GHR: variants seen among roughly 807,000 people sequenced by gnomAD.
GHR encodes the protein growth hormone receptor.
In GHR, 35 loss-of-function variants were observed where a neutral mutation model predicts 67.1. That is an observed-to-expected ratio of 0.52 (90% confidence interval 0.40 to 0.69). The LOEUF (loss-of-function observed/expected upper bound fraction) is 0.69, where lower values mean the gene tolerates loss of function less well. GHR is among the 30% of genes least tolerant of loss of function. GHR has a pLI of 0.00. For synonymous variants in GHR, 272 were observed against 269.1 expected (o/e 1.01, Z -0.10); for missense variants, 792 against 764.6 (o/e 1.04, Z -0.42).
chr5:42,594,196 T>C (rs972430020), intron 2 of GHR, among the ~76,000 whole-genome samples: 1 of 152,214 alleles, frequency 6.6e-6, no homozygotes, highest in Admixed American at 6.5e-5. Flanking sequence ...TTCCCAAACT[T>C]TTCAAATGTG....
chr5:42,559,415 A>G (rs1169687178), intron 1 of GHR, among the ~76,000 whole-genome samples: 1 of 152,176 alleles, frequency 6.6e-6, no homozygotes, highest in Non-Finnish European at 1.5e-5. Context: ...GTGTGTTGGC[A>G]CATGCCTATG....
rs919242248 is a variant in GHR, at chr5:42,514,078, A to G, written c.-11-51786A>G. The stretch of plus-strand genomic sequence containing the variant: ...TCACCCAGAATTTATTTTTTCTTCT[A>G]GTTAAAATGAGCAACTTCTTTAACC... On this transcript the variant is annotated intron_variant, in intron 1 of 9. Transcript: ENST00000230882. 3 of 977,224 alleles carry G rather than the reference A, an allele frequency of 3.1e-6. No individual in the cohort carries two copies. In the African/African-American group the frequency reaches 5.3e-5, roughly 17 times the overall value. The allele number at this position is 977,224 out of a possible 1,614,324, so 60.5% of individuals were successfully genotyped here.
chr5:42,504,757 C>CAAAATAAAAT (rs924287403), intron 1 of GHR, among the ~76,000 whole-genome samples: 7 of 152,036 alleles, frequency 4.6e-5, no homozygotes, highest in African/African-American at 1.7e-4. Flanking sequence ...GATTCCGTCT[C>CAAAATAAAAT]AAAATAAAAT....
intron 3 of GHR, among the ~76,000 whole-genome samples, chr5:42,651,816 C>G (rs951754842): frequency 2.0e-5 from 3 of 151,916 alleles, no homozygotes; most frequent in African/African-American, 7.3e-5. Context: ...GTATATTCAC[C>G]TCACTCTCGA....
chr5:42,619,824 A>G (rs1473549434), intron 2 of GHR: 2 of 152,138 alleles, frequency 1.3e-5, no homozygotes, highest in African/African-American at 4.8e-5. Flanking sequence ...CTGCCAAAGT[A>G]TATGCTTTCT....
At chr5:42,684,857 G>C (rs894781165) in intron 3 of GHR, among the ~76,000 whole-genome samples, 2 of 152,150 alleles carry the variant, frequency 1.3e-5, no homozygotes, top group African/African-American at 4.8e-5. Flanking sequence ...ATTTTCTGAA[G>C]ATTCACTTGT....
At chr5:42,709,225 C>T (rs1273184974) in intron 6 of GHR, among the ~76,000 whole-genome samples, 1 of 152,192 alleles carries the variant, frequency 6.6e-6, no homozygotes, top group African/African-American at 2.4e-5. Flanking sequence ...CCTCCACCTC[C>T]AGAGTTCAAG....
chr5:42,424,378 T>TC lies in GHR; in HGVS notation c.-12+424dup. 1 of 596,444 alleles carries TC rather than the reference T, an allele frequency of 1.7e-6. No homozygotes were observed. Among genetic ancestry groups the TC allele is most frequent in the Non-Finnish European group, 3.0e-6 (1 of 334,230 alleles). The allele number at this position is 596,444 out of a possible 1,614,324, so 36.9% of individuals were successfully genotyped here. ...TTTGCTAGTGTGTTTCTGTTTGCCATCATCTGCCTGGCTGCGGCAGGAACT... is the reference window on the plus strand; with the variant it reads ...TTTGCTAGTGTGTTTCTGTTTGCCATCCATCTGCCTGGCTGCGGCAGGAACT... On this transcript the variant is annotated intron_variant, in intron 1 of 9. Coordinates refer to ENST00000230882, the MANE Select transcript of GHR (RefSeq NM_000163.5). This position sits in a 1 kb window ranked among gnomAD's most constrained non-coding sequence, Gnocchi z 4.1.
chr5:42,637,620 C>A (rs1754265550), intron 3 of GHR, among the ~76,000 whole-genome samples: 1 of 152,112 alleles, frequency 6.6e-6, no homozygotes, highest in Non-Finnish European at 1.5e-5. Context: ...CATGTTGCTG[C>A]AAAGGACATG....
intron 1 of GHR, among the ~76,000 whole-genome samples, chr5:42,496,858 C>G (rs1281062059): frequency 1.3e-5 from 2 of 152,098 alleles, no homozygotes; most frequent in East Asian, 1.9e-4. Flanking sequence ...GGTAAAATTT[C>G]AAAACAAATC....
Position 42,424,171 on chromosome 5 carries a change from AGTGTGTGTGTGTGTGTGTGTGT to A in GHR, c.-12+243_-12+264del, listed in dbSNP as rs1158830359. Among the ~76,000 whole-genome samples, 13 of 100,512 alleles carry A rather than the reference AGTGTGTGTGTGTGTGTGTGTGT, an allele frequency of 1.3e-4. No individual in the cohort carries two copies. The highest frequency in any genetic ancestry group is 5.4e-4 in the African/African-American group (13 of 24,150). 65.9% of individuals were successfully genotyped at this position (100,512 alleles called of 152,430 possible). A position where few individuals can be genotyped will look rare whatever the true frequency, so the allele number is the denominator to read the frequency against. ...CTGGTGGGTTGTTGTAACCCAATCT[AGTGTGTGTGTGTGTGTGTGTGT>A]GTGTGTGTGTGTGTGTGTGTGTGTG... On this transcript the variant is annotated intron_variant, in intron 1 of 9. Coordinates refer to ENST00000230882, the MANE Select transcript of GHR (RefSeq NM_000163.5). The surrounding 1 kb of genome is among the most constrained non-coding windows in gnomAD (Gnocchi z 4.1).
At chr5:42,646,559 A>T (rs889052570) in intron 3 of GHR, among the ~76,000 whole-genome samples, 15 of 152,164 alleles carry the variant, frequency 9.9e-5, no homozygotes, top group African/African-American at 3.4e-4. Flanking sequence ...TATACAATTG[A>T]CACCTAGAAT....
At chr5:42,521,837 A>G (rs1165521292) in intron 1 of GHR, among the ~76,000 whole-genome samples, 2 of 152,216 alleles carry the variant, frequency 1.3e-5, no homozygotes, top group Non-Finnish European at 2.9e-5. Flanking sequence ...GGAGCAGTCA[A>G]TCTTTGGAAA....
chr5:42,532,911 T>C (rs991614092), intron 1 of GHR, among the ~76,000 whole-genome samples: 4 of 152,154 alleles, frequency 2.6e-5, no homozygotes, highest in African/African-American at 9.7e-5. Context: ...TTTTTATACA[T>C]TTCCCTCAGG....
chr5:42,612,167 T>C (rs1752922984), intron 2 of GHR, among the ~76,000 whole-genome samples: 1 of 152,134 alleles, frequency 6.6e-6, no homozygotes, highest in South Asian at 2.1e-4. Flanking sequence ...CTCTGCAAAT[T>C]TGGTCTTTCT....
rs201917287 is a variant in GHR, at chr5:42,694,914, T to C, written c.267-3T>C. The C allele has an allele frequency of 1.9e-4, 305 of 1,605,430 alleles. 1 individual carries two copies. Among genetic ancestry groups the C allele is most frequent in the Non-Finnish European group, 2.4e-4 (285 of 1,172,982 alleles). On this transcript the variant is annotated splice_polypyrimidine_tract_variant and splice_region_variant and intron_variant, in intron 4 of 9. Coordinates refer to ENST00000230882, the MANE Select transcript of GHR (RefSeq NM_000163.5). ...TTAATCTTTTTTTAACCCTTCATTT[T>C]AGGAACACTCAAGAATGGACTCAAG... is the stretch of plus-strand genomic sequence containing the variant.
chr5:42,475,965 C>CG (rs1235652162), intron 1 of GHR, among the ~76,000 whole-genome samples: 9 of 148,038 alleles, frequency 6.1e-5, no homozygotes, highest in Admixed American at 3.4e-4. Flanking sequence ...AGTGCAGTGG[C>CG]GGGATCTCGG....
chr5:42,473,873 CAA>C (rs532325898), intron 1 of GHR, among the ~76,000 whole-genome samples: 49 of 83,068 alleles, frequency 5.9e-4, no homozygotes, highest in Admixed American at 6.6e-4. Flanking sequence ...GACTTTGTCT[CAA>C]AAAAAAAAAA....
chr5:42,561,674 A>T (rs1749616837), intron 1 of GHR, among the ~76,000 whole-genome samples: 1 of 152,192 alleles, frequency 6.6e-6, no homozygotes, highest in Middle Eastern at 3.2e-3. Context: ...AGCAGACAAA[A>T]TGCCTCAGGC....
Sources: allele counts gnomAD v4.1 joint callset (sites outside exome capture counted in the v4.1 genomes callset), GRCh38; gene constraint gnomAD v4.1.1; non-coding constraint Gnocchi (gnomAD v3.1); transcripts MANE v1.5; gene names NCBI Gene and HGNC (gene_info 2026-07-23, HGNC 2026-07-21).